ABCC8: variants seen among roughly 807,000 people sequenced by gnomAD.
The protein encoded by ABCC8 is ATP-binding cassette sub-family C member 8.
A neutral mutation model predicts 188.0 loss-of-function variants in ABCC8; 137 were observed. The observed-to-expected ratio is 0.73, with a 90% CI of 0.63 to 0.84. ABCC8 has a LOEUF of 0.84. Ranked by LOEUF, ABCC8 falls within the 40% of genes least tolerant of loss-of-function variation. The probability of loss-of-function intolerance (pLI) is 0.00; values close to 1 mark genes in which losing one functional copy is unlikely to be tolerated. For synonymous variants in ABCC8, 797 were observed against 846.5 expected, an observed-to-expected ratio of 0.94 and a Z score of 1.01; for missense variants, 1,750 against 2,072.7, an observed-to-expected ratio of 0.84 and a Z score of 3.02.
chr11:17,393,948 G>C, intron 37 of ABCC8, 189 bp from the exon 38 acceptor site: 1 of 747,086 alleles, frequency 1.3e-6, no homozygotes, highest in African/African-American at 1.9e-5. Context: ...TGGGAGCTCA[G>C]CTCTGTGTGT....
chr11:17,473,494 G>A (rs979463223), intron 2 of ABCC8, among the ~76,000 whole-genome samples: 2 of 152,118 alleles, frequency 1.3e-5, no homozygotes, highest in African/African-American at 2.4e-5. Context: ...AACTACAGGA[G>A]CCAGGCAGCA....
rs149861153 is a variant in ABCC8, at chr11:17,402,699, G to C, written c.3612C>G (p.Ala1204=). The C allele has an allele frequency of 2.5e-6, 4 of 1,614,228 alleles. No homozygotes were observed. The highest frequency in any genetic ancestry group is 1.7e-5 in the Admixed American group (1 of 60,030). The stretch of plus-strand genomic sequence containing the variant: ...TGGTGGTGAGTCCTTCTACGGTTTC[G>C]GCAAAGTGTGAGAGAAGTGGAAGCT... The part of the protein sequence containing the change: ...TTQLPLLSHF[A]ETVEGLTTIR... Residue 1204 remains alanine, a synonymous_variant, in exon 29 of 39, where the codon GCC becomes GCG. Transcript: ENST00000389817.
At chr11:17,435,812 G>C in intron 10 of ABCC8, 1 of 1,268,254 alleles carries the variant, frequency 7.9e-7, no homozygotes, top group Non-Finnish European at 1.2e-6. Flanking sequence ...TGATACATGA[G>C]AGGGAAGATG....
Position 17,415,021 on chromosome 11 carries a change from A to T in ABCC8, c.2291+283T>A, listed in dbSNP as rs73423040. Reference sequence around the variant, plus strand: ...TGGAAGAACTTTTTTTTTTTTTTTTAAAAGCAGAGCCAAGGAAGCCACATT... The same window carrying T: ...TGGAAGAACTTTTTTTTTTTTTTTTTAAAGCAGAGCCAAGGAAGCCACATT... On this transcript the variant is annotated intron_variant, in intron 18 of 38. Coordinates refer to ENST00000389817, the MANE Select transcript of ABCC8 (RefSeq NM_000352.6). Among the ~76,000 whole-genome samples, 26,886 of 148,344 alleles carry T rather than the reference A, an allele frequency of 0.18. 3,781 individuals carry two copies. Among genetic ancestry groups the T allele is most frequent in the African/African-American group, 0.41 (16,070 of 39,228 alleles).
chr11:17,460,364 C>T, intron 6 of ABCC8, 124 bp downstream of exon 6: 1 of 1,453,168 alleles, frequency 6.9e-7, no homozygotes, highest in Non-Finnish European at 9.6e-7. Context: ...CTGCTATGGG[C>T]TTTGCGCATG....
chr11:17,452,944 C>G (rs1318697204), intron 7 of ABCC8, among the ~76,000 whole-genome samples, 175 bp downstream of exon 7: 2 of 152,194 alleles, frequency 1.3e-5, no homozygotes, highest in Non-Finnish European at 2.9e-5. Context: ...AGATATTTTC[C>G]ACTATCCCAC....
At chr11:17,454,033 C>T (rs1591865433) in intron 6 of ABCC8, among the ~76,000 whole-genome samples, 1 of 152,222 alleles carries the variant, frequency 6.6e-6, no homozygotes, top group South Asian at 2.1e-4. Context: ...TTGATAAATC[C>T]ATTGCTCCCC....
chr11:17,408,553 G>T, intron 22 of ABCC8, 36 bp from the exon 23 acceptor site: 1 of 1,596,280 alleles, frequency 6.3e-7, no homozygotes, highest in Non-Finnish European at 8.5e-7. Context: ...TTGGGGGCTG[G>T]CTGGGGAGGA....
chr11:17,451,854 G>A (rs1956828286), intron 7 of ABCC8, among the ~76,000 whole-genome samples: 1 of 152,230 alleles, frequency 6.6e-6, no homozygotes, highest in African/African-American at 2.4e-5. Flanking sequence ...GAGAGGGTAT[G>A]TGCAAATCAG....
At chr11:17,449,210 G>A (rs921618145) in intron 7 of ABCC8, among the ~76,000 whole-genome samples, 3 of 152,200 alleles carry the variant, frequency 2.0e-5, no homozygotes, top group Non-Finnish European at 4.4e-5. Flanking sequence ...ACAGGCATGA[G>A]CCACCGCACC....
chr11:17,473,618 T>A (rs1848599011), intron 2 of ABCC8, among the ~76,000 whole-genome samples: 1 of 152,142 alleles, frequency 6.6e-6, no homozygotes, highest in African/African-American at 2.4e-5. Context: ...CAGTCTCTCA[T>A]CCTTGCTGGT....
At chr11:17,455,072 T>C (rs914593857) in intron 6 of ABCC8, among the ~76,000 whole-genome samples, 2 of 152,182 alleles carry the variant, frequency 1.3e-5, no homozygotes, top group African/African-American at 4.8e-5. Context: ...CATGAGAATT[T>C]ATCCCAAAGA....
At chr11:17,436,064 G>GCTCCATCT (rs1298623000) in intron 10 of ABCC8, 1 of 948,812 alleles carries the variant, frequency 1.1e-6, no homozygotes, top group Non-Finnish European at 1.7e-6. Flanking sequence ...TTCCAGAACT[G>GCTCCATCT]CTCCATCTCT....
intron 29 of ABCC8, 69 bp from the exon 30 acceptor site, chr11:17,398,510 C>A: frequency 4.4e-6 from 7 of 1,599,186 alleles, no homozygotes; most frequent in Non-Finnish European, 5.1e-6. Flanking sequence ...GTCTCCCTAC[C>A]TGCAGAGGGA....
In ABCC8 at chr11:17,394,412, C is replaced by G. The variant is rs1008906426; in HGVS notation, c.4412-13G>C. ...GTGATGATGGCATCTGAAAACAGCCCGGGGAGATGAAGTAGGACTGAGTTA... is the reference window on the plus strand; with the variant it reads ...GTGATGATGGCATCTGAAAACAGCCGGGGGAGATGAAGTAGGACTGAGTTA... On this transcript the variant is annotated splice_polypyrimidine_tract_variant and intron_variant, in intron 36 of 38. Coordinates refer to ENST00000389817, the MANE Select transcript of ABCC8 (RefSeq NM_000352.6). The G allele has an allele frequency of 2.5e-6, 4 of 1,613,992 alleles. No homozygotes were observed. In the African/African-American group the frequency reaches 5.3e-5, roughly 22 times the overall value.
At chr11:17,413,529 G>A (rs1564903948) in intron 19 of ABCC8, 51 bp from the exon 20 acceptor site, 3 of 1,612,534 alleles carry the variant, frequency 1.9e-6, no homozygotes, top group Non-Finnish European at 2.5e-6. Context: ...GTCAGAGTTG[G>A]CCCGAGCACT....
intron 7 of ABCC8, among the ~76,000 whole-genome samples, chr11:17,451,570 G>A (rs369868301): frequency 2.6e-5 from 4 of 152,278 alleles, no homozygotes; most frequent in South Asian, 4.1e-4. Flanking sequence ...TTGTCCTCTC[G>A]GTCCCTTTTC....
At chr11:17,455,585 T>A (rs1956962717) in intron 6 of ABCC8, among the ~76,000 whole-genome samples, 1 of 152,128 alleles carries the variant, frequency 6.6e-6, no homozygotes, top group East Asian at 1.9e-4. Flanking sequence ...TTATTAGACC[T>A]CTCTTCAAAG....
At chr11:17,412,410 A>G (rs1449343795) in intron 21 of ABCC8, among the ~76,000 whole-genome samples, 1 of 152,226 alleles carries the variant, frequency 6.6e-6, no homozygotes, top group Admixed American at 6.5e-5. Flanking sequence ...ACAGACAGGC[A>G]GCCTATAACT....
Sources: allele counts gnomAD v4.1 joint callset (sites outside exome capture counted in the v4.1 genomes callset), GRCh38; gene constraint gnomAD v4.1.1; transcripts MANE v1.5; gene names NCBI Gene and HGNC (gene_info 2026-07-23, HGNC 2026-07-21).